Variants in PLEKHA5 observed in about 807,000 individuals in gnomAD.
PLEKHA5 encodes pleckstrin homology domain containing A5, also known as pleckstrin homology domain-containing family A member 5.
In PLEKHA5, 55 loss-of-function variants were observed where a neutral mutation model predicts 181.9. The ratio of observed to expected loss-of-function variants is 0.30; its 90% CI spans 0.24 to 0.38. The LOEUF (loss-of-function observed/expected upper bound fraction) is 0.38. Among genes scored for constraint, PLEKHA5 ranks in the 10% least tolerant of loss-of-function variants. PLEKHA5 has a pLI of 1.00. For synonymous variants in PLEKHA5, 535 were observed against 529.4 expected (o/e 1.01, Z -0.15); for missense variants, 1,432 against 1,549.5 (o/e 0.92, Z 1.27).
At chr12:19,203,905 A>C (rs776669991) in intron 3 of PLEKHA5, among the ~76,000 whole-genome samples, 49 of 152,024 alleles carry the variant, frequency 3.2e-4, no homozygotes, top group Non-Finnish European at 4.6e-4. Context: ...GGAATCATAG[A>C]GCTTTCTTTG....
At chr12:19,175,757 T>G (rs139916472) in intron 3 of PLEKHA5, among the ~76,000 whole-genome samples, 12 of 152,330 alleles carry the variant, frequency 7.9e-5, no homozygotes, top group Non-Finnish European at 1.3e-4. Context: ...GCTTAGTAAC[T>G]GTGACTGAAG....
At chr12:19,209,690 G>A (rs2056514909) in intron 3 of PLEKHA5, among the ~76,000 whole-genome samples, 1 of 152,224 alleles carries the variant, frequency 6.6e-6, no homozygotes, top group Non-Finnish European at 1.5e-5. Flanking sequence ...AATCAAAGCA[G>A]TGGCTACCAA....
In PLEKHA5 at chr12:19,244,492, G is replaced by T. The variant is rs2063271878; in HGVS notation, c.228-9448G>T. Among the ~76,000 whole-genome samples, 4 of 152,336 alleles carry T rather than the reference G, an allele frequency of 2.6e-5. No individual in the cohort carries two copies. The South Asian group carries it at 6.2e-4, about 24-fold the overall frequency. The stretch of plus-strand genomic sequence containing the variant: ...TGTGGATGTGTGGCAGCTTTTGTGG[G>T]TTGGGCCTTTGCAAAAGTCCAAGTC... On this transcript the variant is annotated intron_variant, in intron 3 of 31. Coordinates refer to ENST00000429027, the MANE Select transcript of PLEKHA5 (RefSeq NM_001256470.2).
chr12:19,249,365 C>T (rs905702732), intron 3 of PLEKHA5, among the ~76,000 whole-genome samples: 21 of 152,194 alleles, frequency 1.4e-4, no homozygotes, highest in Middle Eastern at 3.4e-3. Flanking sequence ...AAGTAACTAA[C>T]GGGGCAGGTT....
intron 24 of PLEKHA5, 108 bp downstream of exon 24, chr12:19,347,290 C>T: frequency 1.9e-6 from 1 of 533,450 alleles, no homozygotes; most frequent in East Asian, 3.2e-5. Context: ...CCTTTATAAC[C>T]TCATTTTTGG....
intron 3 of PLEKHA5, among the ~76,000 whole-genome samples, chr12:19,184,568 TGTGAA>T (rs1431380628): frequency 2.0e-5 from 3 of 152,158 alleles, no homozygotes; most frequent in African/African-American, 4.8e-5. Flanking sequence ...ACCCCTGTCT[TGTGAA>T]GAGAGAGGGG....
At chr12:19,180,202 G>A (rs1301351467) in intron 3 of PLEKHA5, among the ~76,000 whole-genome samples, 3 of 152,130 alleles carry the variant, frequency 2.0e-5, no homozygotes, top group Non-Finnish European at 4.4e-5. Flanking sequence ...TTTATTGTGC[G>A]TGTCTGCTCT....
intron 20 of PLEKHA5, among the ~76,000 whole-genome samples, chr12:19,326,601 G>T (rs899231611): frequency 6.6e-6 from 1 of 152,098 alleles, no homozygotes; most frequent in African/African-American, 2.4e-5. Flanking sequence ...TTTTAGGTTT[G>T]GGGGTACATG....
intron 21 of PLEKHA5, among the ~76,000 whole-genome samples, chr12:19,338,388 G>A (rs1405592284): frequency 6.6e-6 from 1 of 151,880 alleles, no homozygotes; most frequent in Non-Finnish European, 1.5e-5. Context: ...GGGAGGCCGT[G>A]GTGGGAGGAT....
intron 3 of PLEKHA5, among the ~76,000 whole-genome samples, chr12:19,219,019 T>C (rs2058510081): frequency 6.6e-6 from 1 of 151,886 alleles, no homozygotes; most frequent in Admixed American, 6.6e-5. Flanking sequence ...TATTATTTAT[T>C]GAAAAAGAAA....
intron 3 of PLEKHA5, among the ~76,000 whole-genome samples, chr12:19,200,024 A>G (rs1189858779): frequency 2.0e-5 from 3 of 152,132 alleles, no homozygotes; most frequent in Admixed American, 1.3e-4. Context: ...GGGTACAAAC[A>G]TACAGTTAGA....
intron 20 of PLEKHA5, among the ~76,000 whole-genome samples, chr12:19,330,747 T>C (rs2092758961): frequency 6.6e-6 from 1 of 152,188 alleles, no homozygotes; most frequent in East Asian, 1.9e-4. Flanking sequence ...AGGACTGTTA[T>C]GGTGGAGTAT....
At chr12:19,265,893 C>T (rs555116255) in intron 8 of PLEKHA5, 43 bp downstream of exon 8, 18 of 1,092,264 alleles carry the variant, frequency 1.6e-5, no homozygotes, top group South Asian at 5.4e-5. Flanking sequence ...TCAAAACTTG[C>T]GTTGGTTAAA....
At chr12:19,241,422 C>A (rs116961294) in intron 3 of PLEKHA5, among the ~76,000 whole-genome samples, 1 of 152,034 alleles carries the variant, frequency 6.6e-6, no homozygotes, top group Non-Finnish European at 1.5e-5. Context: ...ATGTTGTACA[C>A]GATAAATACA....
chr12:19,324,576 T>C lies in PLEKHA5; in HGVS notation c.2448+1909T>C, dbSNP rs575097901. On this transcript the variant is annotated intron_variant, in intron 20 of 31. Transcript: ENST00000429027. Reference sequence around the variant, plus strand: ...TAGATCTACATGGATTTCTGTAATATAGTCATAAAGAAAATATAAGCACCT... The same window carrying C: ...TAGATCTACATGGATTTCTGTAATACAGTCATAAAGAAAATATAAGCACCT... Among the ~76,000 whole-genome samples, 5 of 152,304 alleles carry C rather than the reference T, an allele frequency of 3.3e-5. No homozygotes were observed. In the South Asian group the frequency reaches 6.2e-4, roughly 19 times the overall value.
chr12:19,343,253 AATAT>A, intron 21 of PLEKHA5, 66 bp from the exon 22 acceptor site: 2 of 771,744 alleles, frequency 2.6e-6, no homozygotes, highest in South Asian at 4.3e-5. Context: ...TTATATAATT[AATAT>A]ATAATCATTT....
chr12:19,261,849 A>C (rs1395125086), intron 7 of PLEKHA5, among the ~76,000 whole-genome samples: 2 of 152,188 alleles, frequency 1.3e-5, no homozygotes, highest in Non-Finnish European at 2.9e-5. Flanking sequence ...CCGGTAGCAA[A>C]ATTTATAGTT....
chr12:19,316,607 C>A (rs1458819566), intron 16 of PLEKHA5, among the ~76,000 whole-genome samples: 1 of 152,138 alleles, frequency 6.6e-6, no homozygotes, highest in African/African-American at 2.4e-5. Context: ...CTGGGCATGG[C>A]TGAGTCACCA....
chr12:19,253,298 C>G (rs1015144515), intron 3 of PLEKHA5, among the ~76,000 whole-genome samples: 1 of 150,882 alleles, frequency 6.6e-6, no homozygotes, highest in Admixed American at 6.6e-5. Context: ...TGGTCTTGAA[C>G]GCCTGACCTC....
Sources: allele counts gnomAD v4.1 joint callset (sites outside exome capture counted in the v4.1 genomes callset), GRCh38; gene constraint gnomAD v4.1.1; transcripts MANE v1.5; gene names NCBI Gene and HGNC (gene_info 2026-07-23, HGNC 2026-07-21).